Variants in C10orf90 observed in about 807,000 individuals in gnomAD.
C10orf90 encodes chromosome 10 open reading frame 90, also known as (E2-independent) E3 ubiquitin-conjugating enzyme FATS.
Under a neutral mutation model 62.5 loss-of-function variants are expected in C10orf90, and 56 were observed. That is an observed-to-expected ratio of 0.90 (90% confidence interval 0.72 to 1.12). C10orf90 has a LOEUF of 1.12. C10orf90 is among the 50% of genes most tolerant of loss of function. The pLI, the probability that C10orf90 is intolerant of heterozygous loss-of-function variation, is 0.00. For missense variants in C10orf90, 970 were observed against 880.4 expected (o/e 1.10, Z -1.29); for synonymous variants, 386 against 340.4 (o/e 1.13, Z -1.47).
chr10:126,527,204 G>A (rs1863975879), intron 2 of C10orf90, among the ~76,000 whole-genome samples: 3 of 152,094 alleles, frequency 2.0e-5, no homozygotes, highest in African/African-American at 4.8e-5. Flanking sequence ...TTCATTTTTC[G>A]CCAGCCTTCC....
chr10:126,533,752 A>G (rs1403910621), intron 2 of C10orf90, among the ~76,000 whole-genome samples: 4 of 152,230 alleles, frequency 2.6e-5, no homozygotes, highest in Non-Finnish European at 5.9e-5. Flanking sequence ...GCGAAATGAG[A>G]ATACACATCA....
chr10:126,557,428 G>C (rs188274148), intron 2 of C10orf90, among the ~76,000 whole-genome samples: 1 of 150,208 alleles, frequency 6.7e-6, no homozygotes, highest in Non-Finnish European at 1.5e-5. Context: ...TGCAGTGAGC[G>C]GAGATCATGC....
intron 2 of C10orf90, among the ~76,000 whole-genome samples, chr10:126,596,399 C>G (rs542619662): frequency 5.9e-5 from 9 of 151,302 alleles, no homozygotes; most frequent in Admixed American, 2.6e-4. Flanking sequence ...CAACAACAAA[C>G]AAAAAGAAAA....
intron 2 of C10orf90, among the ~76,000 whole-genome samples, chr10:126,599,783 T>C (rs1212359343): frequency 1.3e-5 from 2 of 152,156 alleles, no homozygotes; most frequent in East Asian, 1.9e-4. Context: ...ACTAACTACT[T>C]CATTAAAAAG....
chr10:126,464,266 G>A (rs1302547280), intron 5 of C10orf90, among the ~76,000 whole-genome samples: 2 of 152,184 alleles, frequency 1.3e-5, no homozygotes, highest in Non-Finnish European at 2.9e-5. Context: ...TCTCATGCTT[G>A]TTAAGCGCTG....
chr10:126,504,671 G>T lies in C10orf90; in HGVS notation c.820C>A (p.Pro274Thr), dbSNP rs1406635659. ...CRAEDTLFQA[P>T]PALANGAHPG... is the part of the protein sequence containing the mutation. ...TGGGCGCCATTGGCCAGAGCCGGGGGCGCCTGGAACAGTGTGTCCTCAGCC... is the reference window on the plus strand; with the variant it reads ...TGGGCGCCATTGGCCAGAGCCGGGGTCGCCTGGAACAGTGTGTCCTCAGCC... Residue 274 changes from proline to threonine, a missense_variant, in exon 4 of 10, where the codon CCC (proline) becomes ACC (threonine). Physicochemically the swap from Pro to Thr is conservative, Grantham distance 38. Transcript: ENST00000488181. The surrounding 1 kb of genome is among the most constrained non-coding windows in gnomAD (Gnocchi z 4.1). 1.2e-6 allele frequency: 2 copies of T among 1,614,006 alleles called. No homozygotes were observed. The highest frequency in any genetic ancestry group is 8.5e-7 in the Non-Finnish European group (1 of 1,180,000).
chr10:126,575,500 C>A (rs1405858384), intron 2 of C10orf90, among the ~76,000 whole-genome samples: 1 of 151,778 alleles, frequency 6.6e-6, no homozygotes, highest in African/African-American at 2.4e-5. Flanking sequence ...ACAATACTAC[C>A]CACAGTTATT....
chr10:126,640,673 G>A (rs370865258), intron 2 of C10orf90, among the ~76,000 whole-genome samples: 3 of 152,200 alleles, frequency 2.0e-5, no homozygotes, highest in African/African-American at 7.2e-5. Context: ...AAAAGAAAGA[G>A]TTTTATCAAC....
At chr10:126,508,426 C>T (rs1811410) in intron 3 of C10orf90, among the ~76,000 whole-genome samples, 1,463 of 20,244 alleles carry the variant, frequency 0.072, 657 homozygotes, top group Admixed American at 0.069. Flanking sequence ...TCAGGATCTA[C>T]GGGGATAAAG....
intron 2 of C10orf90, among the ~76,000 whole-genome samples, chr10:126,573,614 G>A (rs572582517): frequency 1.7e-4 from 26 of 152,194 alleles, no homozygotes; most frequent in Non-Finnish European, 3.4e-4. Flanking sequence ...GCCTTCCACA[G>A]CCCCCACACT....
At chr10:126,631,013 C>A (rs1447298325) in intron 2 of C10orf90, among the ~76,000 whole-genome samples, 1 of 152,202 alleles carries the variant, frequency 6.6e-6, no homozygotes, top group African/African-American at 2.4e-5. Context: ...GTACACCCTT[C>A]CACACCTCTA....
chr10:126,547,873 T>A (rs1418920157), intron 2 of C10orf90, among the ~76,000 whole-genome samples: 1 of 152,080 alleles, frequency 6.6e-6, no homozygotes, highest in Non-Finnish European at 1.5e-5. Flanking sequence ...GAACAGAGCC[T>A]CGTTAAGAAC....
In C10orf90 at chr10:126,490,182, T is replaced by C. The variant is rs1292574494; in HGVS notation, c.1534+13775A>G. ...ATATACACATGCAGTTAGAATACAA[T>C]TAGAATATCAACCTTAACAGGAAAG... On this transcript the variant is annotated intron_variant, in intron 4 of 9. Transcript: ENST00000488181. 3.4e-4 allele frequency among the ~76,000 whole-genome samples: 49 copies of C among 145,360 alleles called. 1 individual carries two copies. The Admixed American group carries it at 3.5e-3, about 10-fold the overall frequency.
At chr10:126,492,561 G>T (rs1288257550) in intron 4 of C10orf90, among the ~76,000 whole-genome samples, 1 of 152,122 alleles carries the variant, frequency 6.6e-6, no homozygotes, top group Non-Finnish European at 1.5e-5. Flanking sequence ...GTAAAATACA[G>T]GTTATTTTCA....
intron 2 of C10orf90, among the ~76,000 whole-genome samples, chr10:126,587,124 T>C (rs2134023627): frequency 6.6e-6 from 1 of 152,252 alleles, no homozygotes; most frequent in African/African-American, 2.4e-5. Flanking sequence ...ATTGGTGAGG[T>C]CATAGCCCCA....
intron 2 of C10orf90, among the ~76,000 whole-genome samples, chr10:126,614,870 T>C (rs1845508759): frequency 1.3e-5 from 2 of 152,210 alleles, no homozygotes; most frequent in Admixed American, 1.3e-4. Flanking sequence ...ATGCCGCTAT[T>C]GGGTTCAGTT....
intron 3 of C10orf90, among the ~76,000 whole-genome samples, chr10:126,508,840 TA>T: frequency 6.6e-6 from 1 of 152,118 alleles, no homozygotes; most frequent in Non-Finnish European, 1.5e-5. Context: ...TCTTCAGGCT[TA>T]GGACACCATG....
chr10:126,511,485 G>C (rs537021306), intron 3 of C10orf90, among the ~76,000 whole-genome samples: 1 of 151,930 alleles, frequency 6.6e-6, no homozygotes, highest in South Asian at 2.1e-4. Flanking sequence ...TTCTCGTCCT[G>C]TAAAACTGAA....
chr10:126,481,015 C>T (rs902551335), intron 4 of C10orf90, among the ~76,000 whole-genome samples: 1 of 110,490 alleles, frequency 9.1e-6, no homozygotes, highest in Admixed American at 8.5e-5. Flanking sequence ...CCCCTCTGCT[C>T]TGCAGTCCCA....
Sources: gnomAD v4.1 joint callset for allele counts (sites outside exome capture counted in the v4.1 genomes callset) on GRCh38, gnomAD v4.1.1 for gene constraint, Gnocchi (gnomAD v3.1) non-coding constraint, MANE v1.5 for transcripts, NCBI Gene and HGNC (gene_info 2026-07-23, HGNC 2026-07-21) for gene names.